CCDC28A: variants seen among roughly 807,000 people sequenced by gnomAD.
CCDC28A encodes coiled-coil domain containing 28A.
In CCDC28A, 24 loss-of-function variants were observed where a neutral mutation model predicts 22.1. That is an observed-to-expected ratio of 1.09 (90% CI 0.79 to 1.53). The LOEUF (loss-of-function observed/expected upper bound fraction) is 1.53. CCDC28A is among the 40% of genes most tolerant of loss of function. CCDC28A has a pLI of 0.00. For synonymous variants in CCDC28A, 83 were observed against 74.7 expected (o/e 1.11, Z -0.57); for missense variants, 170 against 210.7 (o/e 0.81, Z 1.20).
Position 138,785,387 on chromosome 6 carries a change from T to A in CCDC28A, c.477+6T>A. 6.3e-7 allele frequency: 1 copy of A among 1,587,906 alleles called. No individual in the cohort carries two copies. The highest frequency in any genetic ancestry group is 8.5e-7 in the Non-Finnish European group (1 of 1,170,910). On this transcript the variant is annotated splice_donor_region_variant and intron_variant, in intron 4 of 5. Transcript: ENST00000617445. ...TGGATAGGCTTCTGTCAGATGTAAG[T>A]GTAATTCTTTTTCTTTGTTCTTTAA...
Position 138,776,172 on chromosome 6 carries a change from T to G in CCDC28A, c.52T>G (p.Cys18Gly), listed in dbSNP as rs769385125. Reference sequence around the variant, plus strand: ...GAGTCCTAAGTCTTTTAGTGCCCACTGTACTCAGGTTGTCAATGCCAAAAA... The same window carrying G: ...GAGTCCTAAGTCTTTTAGTGCCCACGGTACTCAGGTTGTCAATGCCAAAAA... Reference protein sequence around the residue: ...RRSPKSFSAHCTQVVNAKKNA... With the variant: ...RRSPKSFSAHGTQVVNAKKNA... Residue 18 changes from cysteine (C) to glycine (G), a missense_variant, in exon 2 of 6, where the codon TGT becomes GGT. By Grantham distance (159) the Cys-to-Gly change is radical (BLOSUM62 -3). Transcript: ENST00000617445. 5.6e-6 allele frequency: 9 copies of G among 1,613,852 alleles called. No homozygotes were observed. Among genetic ancestry groups the G allele is most frequent in the Non-Finnish European group, 4.2e-6 (5 of 1,179,830 alleles).
chr6:138,791,914 A>G (rs1278069187), intron 5 of CCDC28A, among the ~76,000 whole-genome samples: 1 of 152,202 alleles, frequency 6.6e-6, no homozygotes, highest in African/African-American at 2.4e-5. Flanking sequence ...CAGTGTATTC[A>G]TATCATTGAA....
Position 138,779,916 on chromosome 6 carries a change from G to A in CCDC28A, c.253G>A (p.Val85Ile), listed in dbSNP as rs757008632. The stretch of plus-strand genomic sequence containing the variant: ...CTCCTTCCTCACTGATGTCTCAGAT[G>A]TTCAGGAGATGGAGAGAGGGCTGCT... ...QHSFLTDVSD[V>I]QEMERGLLSL... is the part of the protein sequence containing the mutation. Residue 85 changes from valine to isoleucine, a missense_variant, in exon 3 of 6, where the codon GTT (valine) becomes ATT (isoleucine). Coordinates refer to ENST00000617445, the MANE Select transcript of CCDC28A (RefSeq NM_015439.3). 1.9e-6 allele frequency: 3 copies of A among 1,613,806 alleles called. No homozygotes were observed. Among genetic ancestry groups the A allele is most frequent in the East Asian group, 2.2e-5 (1 of 44,872 alleles).
intron 5 of CCDC28A, 33 bp from the exon 6 acceptor site, chr6:138,792,716 T>C (rs991646202): frequency 6.5e-6 from 9 of 1,394,484 alleles, no homozygotes; most frequent in African/African-American, 4.2e-5. Context: ...GTACCCCTTA[T>C]AGAATGAAAA....
intron 1 of CCDC28A, 46 bp downstream of exon 1, chr6:138,773,948 C>T: frequency 6.3e-7 from 1 of 1,599,188 alleles, no homozygotes; most frequent in Non-Finnish European, 8.5e-7. Flanking sequence ...CCCCTTTAGG[C>T]CCTTCCCACC....
intron 2 of CCDC28A, among the ~76,000 whole-genome samples, chr6:138,778,071 TG>T (rs1388603689): frequency 1.3e-5 from 2 of 152,206 alleles, no homozygotes; most frequent in African/African-American, 4.8e-5. Context: ...GCCCTTGCTT[TG>T]GGAAGAACTG....
At chr6:138,775,453 G>A (rs1451795243) in intron 1 of CCDC28A, among the ~76,000 whole-genome samples, 3 of 152,146 alleles carry the variant, frequency 2.0e-5, no homozygotes, top group Non-Finnish European at 4.4e-5. Flanking sequence ...TTCAAAATAG[G>A]CAACGAACAA....
At chr6:138,776,031 G>A (rs1329518624) in intron 1 of CCDC28A, 48 bp from the exon 2 acceptor site, 19 of 1,460,346 alleles carry the variant, frequency 1.3e-5, no homozygotes, top group Non-Finnish European at 1.7e-5. Context: ...TTTCTTTCAT[G>A]TTTGCATATT....
In CCDC28A at chr6:138,776,069, C is replaced by A. The variant is rs769309242; in HGVS notation, c.-42-10C>A. ...AGCATACATATATAATTGCTGTATT[C>A]CTTATTTAGGTCTTAAGAAGCTGGC... On this transcript the variant is annotated splice_polypyrimidine_tract_variant and intron_variant, in intron 1 of 5. Coordinates refer to ENST00000617445, the MANE Select transcript of CCDC28A (RefSeq NM_015439.3). 3 of 1,607,660 alleles carry A rather than the reference C, an allele frequency of 1.9e-6. No homozygotes were observed. The highest frequency in any genetic ancestry group is 2.6e-6 in the Non-Finnish European group (3 of 1,174,308).
intron 4 of CCDC28A, among the ~76,000 whole-genome samples, chr6:138,787,490 C>G (rs1775110371): frequency 6.6e-6 from 1 of 152,118 alleles, no homozygotes; most frequent in African/African-American, 2.4e-5. Context: ...CAGACTAAGA[C>G]AAGGGGTGAT....
chr6:138,792,194 C>G (rs1291944063), intron 5 of CCDC28A, among the ~76,000 whole-genome samples: 1 of 152,084 alleles, frequency 6.6e-6, no homozygotes. Flanking sequence ...ATGTTTGTCT[C>G]TAATCAGCTC....
At chr6:138,777,858 C>T (rs1774958463) in intron 2 of CCDC28A, among the ~76,000 whole-genome samples, 1 of 152,118 alleles carries the variant, frequency 6.6e-6, no homozygotes, top group Admixed American at 6.5e-5. Context: ...AAACCTTATA[C>T]TCTGTAATAG....
intron 5 of CCDC28A, among the ~76,000 whole-genome samples, chr6:138,789,923 G>C (rs1775145601): frequency 6.6e-6 from 1 of 152,178 alleles, no homozygotes; most frequent in Non-Finnish European, 1.5e-5. Flanking sequence ...GGCCCTACTT[G>C]GAAGTGGGTG....
intron 4 of CCDC28A, among the ~76,000 whole-genome samples, chr6:138,786,661 C>T (rs1380270180): frequency 6.6e-6 from 1 of 152,188 alleles, no homozygotes; most frequent in African/African-American, 2.4e-5. Context: ...GTCACCCAGG[C>T]TGGAGTGCAG....
chr6:138,790,636 A>G (rs926180427), intron 5 of CCDC28A, among the ~76,000 whole-genome samples: 1 of 152,194 alleles, frequency 6.6e-6, no homozygotes, highest in African/African-American at 2.4e-5. Context: ...AAATCTGGCA[A>G]CCATAGTTTC....
rs767210574 is a variant in CCDC28A at position 138,773,786 on chromosome 6, C to T, written c.-159C>T. 7 of 1,613,512 alleles carry T rather than the reference C, an allele frequency of 4.3e-6. No individual in the cohort carries two copies. The highest frequency in any genetic ancestry group is 2.7e-5 in the African/African-American group (2 of 75,034). ...TCACTTCCGTAAACAAACGGAGCTG[C>T]GGAGGAGCGGGTCCCGGGATGTGAC... is the stretch of plus-strand genomic sequence containing the variant. On this transcript the variant is annotated 5_prime_UTR_variant, in exon 1 of 6. Coordinates refer to ENST00000617445, the MANE Select transcript of CCDC28A (RefSeq NM_015439.3).
intron 5 of CCDC28A, among the ~76,000 whole-genome samples, chr6:138,791,321 GTCCTCCT>G (rs1775165908): frequency 6.6e-6 from 1 of 151,948 alleles, no homozygotes; most frequent in South Asian, 2.1e-4. Flanking sequence ...GGCTCAAGCA[GTCCTCCT>G]GCCTCAGCCT....
intron 4 of CCDC28A, 41 bp from the exon 5 acceptor site, chr6:138,788,325 C>T: frequency 2.7e-6 from 2 of 740,232 alleles, no homozygotes; most frequent in South Asian, 2.4e-5. Context: ...TTATATTGAT[C>T]TTATAAAAAT....
Position 138,782,528 on chromosome 6 carries a change from C to T in CCDC28A, c.322+2543C>T, listed in dbSNP as rs1312155989. 2.7e-5 allele frequency among the ~76,000 whole-genome samples: 4 copies of T among 150,054 alleles called. 1 individual carries two copies. The highest frequency in any genetic ancestry group is 7.3e-5 in the African/African-American group (3 of 41,376). ...TTCTATTGTTCTCATGGTAGGTCAC[C>T]TAGATCCGTCCTCTGACTCTCATCT... is the stretch of plus-strand genomic sequence containing the variant. On this transcript the variant is annotated intron_variant, in intron 3 of 5. Transcript: ENST00000617445.
Sources: allele counts gnomAD v4.1 joint callset (sites outside exome capture counted in the v4.1 genomes callset), GRCh38; gene constraint gnomAD v4.1.1; transcripts MANE v1.5; gene names NCBI Gene and HGNC (gene_info 2026-07-23, HGNC 2026-07-21).